The following ADGRF5 variants were observed in gnomAD, a reference collection of about 807,000 sequenced individuals.
ADGRF5 encodes G-protein coupled receptor 116.
Under a neutral mutation model 132.3 loss-of-function variants are expected in ADGRF5, and 75 were observed. The observed-to-expected ratio is 0.57, with a 90% CI of 0.47 to 0.69. ADGRF5 has a LOEUF of 0.69. Ranked by LOEUF, ADGRF5 falls within the 30% of genes least tolerant of loss-of-function variation. The pLI is 0.00. For missense variants in ADGRF5, 1,516 were observed against 1,630.6 expected (o/e 0.93, Z 1.21); for synonymous variants, 629 against 597.6 (o/e 1.05, Z -0.77).
intron 4 of ADGRF5, 128 bp from the exon 5 acceptor site, chr6:46,884,399 G>C: frequency 4.3e-6 from 3 of 689,674 alleles, no homozygotes; most frequent in Non-Finnish European, 7.4e-6. Context: ...TTTCTGAGAA[G>C]TTCAATAGCA....
chr6:46,885,010 T>C (rs1772903265), intron 4 of ADGRF5, among the ~76,000 whole-genome samples: 1 of 152,066 alleles, frequency 6.6e-6, no homozygotes, highest in Non-Finnish European at 1.5e-5. Flanking sequence ...GAGACCAGCC[T>C]GGGCAACATT....
At chr6:46,931,010 C>T (rs1298807117) in intron 1 of ADGRF5, among the ~76,000 whole-genome samples, 3 of 152,102 alleles carry the variant, frequency 2.0e-5, no homozygotes, top group African/African-American at 4.8e-5. Context: ...GCTGTGATCA[C>T]ACCACTGCAC....
Position 46,867,160 on chromosome 6 carries a change from G to A in ADGRF5, c.1622-23C>T, listed in dbSNP as rs542925478. 3.8e-5 allele frequency: 47 copies of A among 1,230,052 alleles called. 1 individual carries two copies. The South Asian group carries it at 5.8e-4, about 15-fold the overall frequency. The allele number at this position is 1,230,052 out of a possible 1,614,324, so 76.2% of individuals were successfully genotyped here. ...TTCCTGAGTAGAAGACGGCAAAAAT[G>A]AGATGGAATGGAAATAATCGCCCTT... On this transcript the variant is annotated intron_variant, in intron 12 of 20. Coordinates refer to ENST00000283296, the MANE Select transcript of ADGRF5 (RefSeq NM_001098518.2).
At chr6:46,861,097 A>T (rs1489565127) in intron 15 of ADGRF5, among the ~76,000 whole-genome samples, 2 of 152,230 alleles carry the variant, frequency 1.3e-5, no homozygotes, top group Non-Finnish European at 1.5e-5. Flanking sequence ...ATAAGGCCAC[A>T]CACAGAAGGG....
intron 15 of ADGRF5, among the ~76,000 whole-genome samples, chr6:46,861,621 A>G (rs79083013): frequency 2.5e-3 from 388 of 152,326 alleles, no homozygotes; most frequent in African/African-American, 8.7e-3. Flanking sequence ...TATTGCTCCA[A>G]TTAAATTATA....
At chr6:46,913,640 T>C (rs529921689) in intron 1 of ADGRF5, among the ~76,000 whole-genome samples, 2 of 152,246 alleles carry the variant, frequency 1.3e-5, no homozygotes, top group African/African-American at 4.8e-5. Flanking sequence ...ATTGGGATGG[T>C]TGGATAGAAA....
chr6:46,894,743 G>A (rs1440278925), intron 3 of ADGRF5, among the ~76,000 whole-genome samples: 1 of 152,142 alleles, frequency 6.6e-6, no homozygotes, highest in Non-Finnish European at 1.5e-5. Context: ...TTCTCTGCAG[G>A]ATTATTGTTA....
intron 1 of ADGRF5, among the ~76,000 whole-genome samples, chr6:46,909,377 T>C (rs1020168360): frequency 5.3e-5 from 8 of 152,342 alleles, no homozygotes; most frequent in Non-Finnish European, 1.0e-4. Context: ...CACTCTCTAC[T>C]AAAACTCACC....
chr6:46,891,153 A>G (rs758754164), intron 3 of ADGRF5, among the ~76,000 whole-genome samples: 6 of 152,246 alleles, frequency 3.9e-5, no homozygotes, highest in Non-Finnish European at 7.3e-5. Flanking sequence ...CTTTATAAAA[A>G]TGTATTTGAC....
intron 10 of ADGRF5, among the ~76,000 whole-genome samples, chr6:46,873,092 C>T (rs1771267721): frequency 6.6e-6 from 1 of 152,016 alleles, no homozygotes; most frequent in Non-Finnish European, 1.5e-5. Context: ...TTTGAAAATC[C>T]ACTTCTTCTA....
chr6:46,860,841 A>T lies in ADGRF5; in HGVS notation c.2253T>A (p.Asp751Glu). ...QDEMLPTYLK[D>E]LSISIDKAEH... ...CCGCTTTGTCTATGCTAATAGAAAGATCCTTCAGGTATGTAGGGAGCATCT... is the reference window on the plus strand; with the variant it reads ...CCGCTTTGTCTATGCTAATAGAAAGTTCCTTCAGGTATGTAGGGAGCATCT... The change falls in exon 16 of 21, where the codon GAT (aspartate) becomes GAA (glutamate). Residue 751 changes from aspartate to glutamate, a missense_variant. Asp to Glu is a conservative substitution (Grantham distance 45). This residue lies in a region of ADGRF5 where 945 missense variants were observed against 929.4 expected (regional missense o/e 1.02). Coordinates refer to ENST00000283296, the MANE Select transcript of ADGRF5 (RefSeq NM_001098518.2). The T allele has an allele frequency of 6.2e-7, 1 of 1,613,976 alleles. No individual in the cohort carries two copies. The highest frequency in any genetic ancestry group is 8.5e-7 in the Non-Finnish European group (1 of 1,179,880).
At chr6:46,939,695 A>G (rs1299826555) in intron 1 of ADGRF5, among the ~76,000 whole-genome samples, 1 of 152,228 alleles carries the variant, frequency 6.6e-6, no homozygotes, top group African/African-American at 2.4e-5. Context: ...GGGAGCTTCA[A>G]CTAATTAATT....
intron 1 of ADGRF5, among the ~76,000 whole-genome samples, chr6:46,929,807 T>A (rs1777467060): frequency 6.6e-6 from 1 of 151,980 alleles, no homozygotes; most frequent in African/African-American, 2.4e-5. Flanking sequence ...TTATTTTTAT[T>A]TTGTTATTAT....
At chr6:46,921,505 T>C (rs1043996862) in intron 1 of ADGRF5, among the ~76,000 whole-genome samples, 4 of 152,130 alleles carry the variant, frequency 2.6e-5, no homozygotes, top group African/African-American at 9.7e-5. Context: ...TTTAATATAG[T>C]CTCATTAACT....
In ADGRF5 at chr6:46,888,587, G is replaced by C. The variant is rs1014482584; in HGVS notation, c.158-82C>G. On this transcript the variant is annotated intron_variant, in intron 3 of 20. Coordinates refer to ENST00000283296, the MANE Select transcript of ADGRF5 (RefSeq NM_001098518.2). ...CATGATGGATATTTCAGCAGTTAAA[G>C]GTAATGACAGGTACATGTGAATGGT... is the stretch of plus-strand genomic sequence containing the variant. The C allele has an allele frequency of 2.0e-5, 18 of 885,504 alleles. 1 individual carries two copies. The highest frequency in any genetic ancestry group is 2.8e-5 in the Non-Finnish European group (15 of 534,294). 54.9% of individuals were successfully genotyped at this position (885,504 alleles called of 1,614,324 possible).
rs1259229476 is a variant in ADGRF5, at chr6:46,853,708, T to A, written c.*284A>T. ...AAAATGTCTCTTCGAAATTCTATAT[T>A]ACAATATAGACAGAGAAGTTGGGCC... On this transcript the variant is annotated 3_prime_UTR_variant, in exon 21 of 21. Transcript: ENST00000283296. The A allele has an allele frequency of 2.6e-5, 6 of 231,974 alleles. No homozygotes were observed. The highest frequency in any genetic ancestry group is 4.2e-5 in the Non-Finnish European group (5 of 120,024). The allele number at this position is 231,974 out of a possible 1,614,324, so 14.4% of individuals were successfully genotyped here.
chr6:46,935,654 G>A (rs1777782868), intron 1 of ADGRF5, among the ~76,000 whole-genome samples: 1 of 152,186 alleles, frequency 6.6e-6, no homozygotes, highest in Admixed American at 6.5e-5. Context: ...AGCTTCTCAA[G>A]GGGAAGCTAA....
intron 1 of ADGRF5, among the ~76,000 whole-genome samples, chr6:46,919,798 G>A (rs905921899): frequency 6.6e-6 from 1 of 152,184 alleles, no homozygotes; most frequent in Non-Finnish European, 1.5e-5. Flanking sequence ...GAGAAACCCT[G>A]TAAAGAACAA....
chr6:46,924,637 G>A (rs558710439), upstream of ADGRF5, among the ~76,000 whole-genome samples: 114 of 152,200 alleles, frequency 7.5e-4, no homozygotes, highest in African/African-American at 2.6e-3. Context: ...GTATTCAACT[G>A]CTTACTTGAT....
Sources: gnomAD v4.1 joint callset for allele counts (sites outside exome capture counted in the v4.1 genomes callset) on GRCh38, gnomAD v4.1.1 for gene constraint, gnomAD v4.1.1 regional missense constraint, MANE v1.5 for transcripts, NCBI Gene and HGNC (gene_info 2026-07-23, HGNC 2026-07-21) for gene names.